The following TDRD3 variants were observed in gnomAD, a reference collection of about 807,000 sequenced individuals.
TDRD3 encodes tudor domain-containing protein 3.
TDRD3 carries 45 observed loss-of-function variants against 86.7 expected under a neutral mutation model. That is an observed-to-expected ratio of 0.52 (90% CI 0.41 to 0.67). TDRD3 has a LOEUF of 0.67. TDRD3 is among the 30% of genes least tolerant of loss of function. The pLI is 0.00. For synonymous variants in TDRD3, 298 were observed against 301.7 expected, an observed-to-expected ratio of 0.99 and a Z score of 0.13; for missense variants, 814 against 889.0, an observed-to-expected ratio of 0.92 and a Z score of 1.07.
At chr13:60,563,797 TATG>T (rs1958390994) in intron 12 of TDRD3, among the ~76,000 whole-genome samples, 1 of 152,206 alleles carries the variant, frequency 6.6e-6, no homozygotes, top group South Asian at 2.1e-4. Context: ...GTGACCAATT[TATG>T]ATGAACTTTT....
chr13:60,531,514 G>C (rs776204323), intron 11 of TDRD3, among the ~76,000 whole-genome samples: 6 of 152,138 alleles, frequency 3.9e-5, no homozygotes, highest in Non-Finnish European at 8.8e-5. Flanking sequence ...ATAATGTGGG[G>C]TTACTGGTGA....
chr13:60,515,374 G>A (rs921524190), intron 10 of TDRD3, among the ~76,000 whole-genome samples: 3 of 152,176 alleles, frequency 2.0e-5, no homozygotes, highest in Non-Finnish European at 2.9e-5. Context: ...ATTACTAGTA[G>A]CTTTTCTGAC....
intron 1 of TDRD3, among the ~76,000 whole-genome samples, chr13:60,434,692 T>TG (rs142502900): frequency 0.011 from 1,699 of 151,696 alleles, 39 homozygotes; most frequent in African/African-American, 0.039. Flanking sequence ...CATTAGAGAG[T>TG]GAAAAAAAAA....
chr13:60,508,519 A>G (rs939281726), intron 8 of TDRD3, among the ~76,000 whole-genome samples: 4 of 152,224 alleles, frequency 2.6e-5, no homozygotes, highest in Non-Finnish European at 5.9e-5. Context: ...GCAATGGGGA[A>G]AGGATTTCCT....
chr13:60,478,604 C>T (rs1956245261), intron 5 of TDRD3, among the ~76,000 whole-genome samples: 1 of 151,978 alleles, frequency 6.6e-6, no homozygotes, highest in African/African-American at 2.4e-5. Context: ...CGTGCCCGGT[C>T]CACAGTCTGT....
chr13:60,506,274 T>C (rs540353018), intron 8 of TDRD3, among the ~76,000 whole-genome samples: 4 of 152,268 alleles, frequency 2.6e-5, no homozygotes, highest in African/African-American at 9.6e-5. Context: ...ATCTAGATTT[T>C]CATACCAGCC....
chr13:60,506,666 A>T (rs1956944254), intron 8 of TDRD3, among the ~76,000 whole-genome samples: 1 of 152,164 alleles, frequency 6.6e-6, no homozygotes, highest in Non-Finnish European at 1.5e-5. Context: ...CTGAGGCAGG[A>T]TAATCACTGG....
intron 5 of TDRD3, among the ~76,000 whole-genome samples, chr13:60,467,903 C>T (rs756586029): frequency 6.6e-6 from 1 of 152,090 alleles, no homozygotes; most frequent in Non-Finnish European, 1.5e-5. Context: ...ACTTTGCTTC[C>T]AACAACCATT....
At chr13:60,501,005 A>C (rs556730176) in intron 8 of TDRD3, among the ~76,000 whole-genome samples, 1 of 152,132 alleles carries the variant, frequency 6.6e-6, no homozygotes, top group East Asian at 1.9e-4. Context: ...ATGGAACTCC[A>C]CTCACCAAGG....
chr13:60,453,620 T>G (rs982440011), intron 3 of TDRD3, among the ~76,000 whole-genome samples: 1 of 152,120 alleles, frequency 6.6e-6, no homozygotes, highest in Non-Finnish European at 1.5e-5. Context: ...AGCATCCCAT[T>G]CTCCATAAGA....
rs747020549 is a variant in TDRD3, at chr13:60,535,201, A to G, written c.2086A>G (p.Ser696Gly). Residue 696 changes from serine to glycine, a missense_variant, in exon 12 of 14, where the codon AGC becomes GGC. Physicochemically the swap from Ser to Gly is moderately conservative, Grantham distance 56. Transcript: ENST00000377881. ...CGGAAACTATGAAGAGGTGCTACTG[A>G]GCAATATCAAGCCCATTCAAACAGA... ...DYGNYEEVLLSNIKPIQTEAW... is the reference protein window; with the variant it reads ...DYGNYEEVLLGNIKPIQTEAW... The G allele has an allele frequency of 6.2e-7, 1 of 1,613,888 alleles. No individual in the cohort carries two copies. The highest frequency in any genetic ancestry group is 1.1e-5 in the South Asian group (1 of 91,072).
In TDRD3 at chr13:60,442,532, C is replaced by T. The variant is rs139682863; in HGVS notation, c.127-2151C>T. The stretch of plus-strand genomic sequence containing the variant: ...CAGCATTCTTGGACCCAGTCATCGT[C>T]CTAGCAATCCTGATACAATGGCATC... On this transcript the variant is annotated intron_variant, in intron 2 of 13. Coordinates refer to ENST00000377881, the MANE Select transcript of TDRD3 (RefSeq NM_001146070.2). 3.9e-3 allele frequency among the ~76,000 whole-genome samples: 598 copies of T among 152,008 alleles called. 7 individuals carry two copies. The highest frequency in any genetic ancestry group is 0.013 in the African/African-American group (545 of 41,478).
chr13:60,573,301 C>T (rs891946202), intron 13 of TDRD3, among the ~76,000 whole-genome samples: 39 of 152,124 alleles, frequency 2.6e-4, no homozygotes, highest in Admixed American at 2.6e-3. Context: ...TTTCGGTAAT[C>T]CTCCGTTACA....
At chr13:60,476,149 C>T (rs1362492885) in intron 5 of TDRD3, among the ~76,000 whole-genome samples, 1 of 152,042 alleles carries the variant, frequency 6.6e-6, no homozygotes, top group Non-Finnish European at 1.5e-5. Context: ...CCTAGGGTTT[C>T]TTCTAGGGTT....
At chr13:60,430,215 T>C (rs1954918266) in intron 1 of TDRD3, among the ~76,000 whole-genome samples, 1 of 152,164 alleles carries the variant, frequency 6.6e-6, no homozygotes, top group African/African-American at 2.4e-5. Context: ...TGTAATACCT[T>C]ACATTTATAA....
At chr13:60,535,444 T>A (rs914915007) in intron 12 of TDRD3, 1 of 422,322 alleles carries the variant, frequency 2.4e-6, no homozygotes, top group Admixed American at 4.9e-5. Flanking sequence ...TCTTGTATAA[T>A]GTTTTGTTGT....
chr13:60,427,067 A>G (rs2137896908), intron 1 of TDRD3, among the ~76,000 whole-genome samples: 1 of 152,352 alleles, frequency 6.6e-6, no homozygotes, highest in Non-Finnish European at 1.5e-5. Flanking sequence ...TACAGTAAAA[A>G]TACAGTATTT....
intron 4 of TDRD3, 71 bp from the exon 5 acceptor site, chr13:60,467,167 T>C: frequency 1.3e-6 from 2 of 1,571,408 alleles, no homozygotes; most frequent in Non-Finnish European, 1.7e-6. Context: ...CCCCGGTCTG[T>C]GTTGTTTCCC....
chr13:60,462,255 C>T (rs903394299), intron 4 of TDRD3, among the ~76,000 whole-genome samples: 11 of 152,198 alleles, frequency 7.2e-5, no homozygotes, highest in African/African-American at 2.7e-4. Context: ...CATGTAATGG[C>T]TCATTCTCTG....
Sources: allele counts gnomAD v4.1 joint callset (sites outside exome capture counted in the v4.1 genomes callset), GRCh38; gene constraint gnomAD v4.1.1; transcripts MANE v1.5; gene names NCBI Gene and HGNC (gene_info 2026-07-23, HGNC 2026-07-21).